The following ACYP2 variants were observed in gnomAD, a reference collection of about 807,000 sequenced individuals.
ACYP2 encodes acylphosphatase 2, also known as acylphosphatase-2.
A neutral mutation model predicts 11.2 loss-of-function variants in ACYP2; 12 were observed. The ratio of observed to expected loss-of-function variants is 1.08; its 90% CI spans 0.69 to 1.74. The LOEUF (loss-of-function observed/expected upper bound fraction) is 1.74, where lower values mean the gene tolerates loss of function less well. ACYP2 is among the 40% of genes most tolerant of loss of function. ACYP2 has a pLI of 0.00. For missense variants in ACYP2, 134 were observed against 101.9 expected (o/e 1.31, Z -1.35); for synonymous variants, 43 against 32.2 (o/e 1.33, Z -1.13).
At chr2:54,266,341 G>A (rs2104062774) in intron 6 of ACYP2, among the ~76,000 whole-genome samples, 1 of 152,202 alleles carries the variant, frequency 6.6e-6, no homozygotes, top group East Asian at 1.9e-4. Flanking sequence ...ATCCTTGTTT[G>A]GGGTAGGGGA....
chr2:54,068,965 C>T (rs963312959), intron 4 of ACYP2, among the ~76,000 whole-genome samples: 2 of 151,904 alleles, frequency 1.3e-5, no homozygotes, highest in East Asian at 1.9e-4. Context: ...CTCTCTCTGT[C>T]GCCCCGGCTG....
chr2:54,135,554 C>T (rs570099276), intron 5 of ACYP2, 85 bp downstream of exon 2: 15 of 1,130,064 alleles, frequency 1.3e-5, no homozygotes, highest in South Asian at 8.4e-5. Context: ...TTCTACTTGG[C>T]GCTAGTCTAC....
chr2:54,186,637 C>T (rs1003110373), intron 6 of ACYP2, among the ~76,000 whole-genome samples: 1 of 152,016 alleles, frequency 6.6e-6, no homozygotes, highest in African/African-American at 2.4e-5. Context: ...CCTCAGCCTC[C>T]CGAGTAGCTG....
At chr2:54,179,971 A>G (rs1683634922) in intron 6 of ACYP2, among the ~76,000 whole-genome samples, 1 of 152,188 alleles carries the variant, frequency 6.6e-6, no homozygotes, top group Non-Finnish European at 1.5e-5. Context: ...AGAAATCAGT[A>G]GCAAGTCTCG....
intron 6 of ACYP2, among the ~76,000 whole-genome samples, chr2:54,246,266 G>A (rs843646): frequency 2.0e-5 from 3 of 151,754 alleles, no homozygotes; most frequent in African/African-American, 2.4e-5. Context: ...ATTCTCCCCC[G>A]ACCCCTACCC....
chr2:54,016,588 C>G (rs774548826), intron 2 of ACYP2, among the ~76,000 whole-genome samples: 16 of 152,104 alleles, frequency 1.1e-4, no homozygotes, highest in Non-Finnish European at 1.6e-4. Flanking sequence ...AATGAAGGTT[C>G]TAATAGATCT....
intron 2 of ACYP2, among the ~76,000 whole-genome samples, chr2:54,007,183 A>G (rs1673116071): frequency 6.8e-6 from 1 of 146,748 alleles, no homozygotes; most frequent in Non-Finnish European, 1.5e-5. Flanking sequence ...GAAAGAAAGA[A>G]AAAGAAAAGA....
chr2:54,163,593 G>A (rs1032772215), intron 6 of ACYP2, among the ~76,000 whole-genome samples: 22 of 152,152 alleles, frequency 1.4e-4, no homozygotes, highest in African/African-American at 3.9e-4. Flanking sequence ...GGTGGCTCAC[G>A]CCCGTAATCC....
chr2:54,297,706 T>TTTTAAA (rs1222223151), intron 6 of ACYP2, among the ~76,000 whole-genome samples: 43 of 152,288 alleles, frequency 2.8e-4, no homozygotes, highest in African/African-American at 9.9e-4. Flanking sequence ...TTTTCCTGTA[T>TTTTAAA]CTTGTTTAAA....
chr2:54,294,246 C>T (rs1447662113), intron 6 of ACYP2, among the ~76,000 whole-genome samples: 1 of 152,162 alleles, frequency 6.6e-6, no homozygotes, highest in African/African-American at 2.4e-5. Flanking sequence ...TTTTTTATAT[C>T]ACCCCAGGAG....
At chr2:54,185,481 T>C (rs1376358415) in intron 6 of ACYP2, among the ~76,000 whole-genome samples, 3 of 152,228 alleles carry the variant, frequency 2.0e-5, no homozygotes. Flanking sequence ...AAATCTCTAT[T>C]GTTTAAGCCT....
intron 4 of ACYP2, among the ~76,000 whole-genome samples, chr2:54,102,735 G>A (rs186234486): frequency 1.7e-4 from 26 of 149,734 alleles, no homozygotes; most frequent in African/African-American, 6.5e-4. Flanking sequence ...AGGAACAGGG[G>A]CTCAAACAAT....
chr2:54,066,805 C>G (rs540174572), intron 4 of ACYP2, among the ~76,000 whole-genome samples: 6 of 152,278 alleles, frequency 3.9e-5, no homozygotes, highest in African/African-American at 1.4e-4. Flanking sequence ...TCTGACCTAT[C>G]CAGACATGGT....
intron 4 of ACYP2, among the ~76,000 whole-genome samples, chr2:54,060,256 C>T (rs550561675): frequency 1.4e-3 from 219 of 152,154 alleles, no homozygotes; most frequent in Non-Finnish European, 2.5e-3. Flanking sequence ...TTTTTTCTCT[C>T]TTTTTGGCTA....
At chr2:54,006,026 C>G (rs1026032922) in intron 2 of ACYP2, among the ~76,000 whole-genome samples, 1 of 151,654 alleles carries the variant, frequency 6.6e-6, no homozygotes. Flanking sequence ...CTCTGTCACC[C>G]AGGTTGCAGT....
intron 6 of ACYP2, among the ~76,000 whole-genome samples, chr2:54,160,104 G>A (rs1280681839): frequency 2.0e-5 from 3 of 152,142 alleles, no homozygotes; most frequent in African/African-American, 4.8e-5. Flanking sequence ...CAAGTGGCTC[G>A]ACAAATGGTG....
At chr2:54,088,815 TTAGTA>T (rs1678079387) in intron 4 of ACYP2, among the ~76,000 whole-genome samples, 1 of 152,208 alleles carries the variant, frequency 6.6e-6, no homozygotes, top group African/African-American at 2.4e-5. Context: ...TTATTCCCAC[TTAGTA>T]TATCAGAAAG....
chr2:54,174,535 G>T (rs557362695), intron 6 of ACYP2, among the ~76,000 whole-genome samples: 2 of 152,154 alleles, frequency 1.3e-5, no homozygotes, highest in South Asian at 2.1e-4. Flanking sequence ...TTGCCTGATT[G>T]CCCTGGCCAG....
At chr2:54,201,680 TTCTCTCTCTCTCTCTC>T (rs60167120) in intron 6 of ACYP2, among the ~76,000 whole-genome samples, 4 of 107,268 alleles carry the variant, frequency 3.7e-5, no homozygotes, top group Admixed American at 9.0e-5. Flanking sequence ...CTTTCTTTCT[TTCTCTCTCTCTCTCTC>T]TCTTTTTTCT....
Sources: gnomAD v4.1 joint callset for allele counts (sites outside exome capture counted in the v4.1 genomes callset) on GRCh38, gnomAD v4.1.1 for gene constraint, MANE v1.5 for transcripts, NCBI Gene and HGNC (gene_info 2026-07-23, HGNC 2026-07-21) for gene names.